EIF4E3: variants seen among roughly 807,000 people sequenced by gnomAD.
EIF4E3 encodes eukaryotic translation initiation factor 4E family member 3, also known as eukaryotic translation initiation factor 4E type 3.
In EIF4E3, 26 loss-of-function variants were observed where a neutral mutation model predicts 31.7. That is an observed-to-expected ratio of 0.82 (90% CI 0.60 to 1.14). The LOEUF is 1.14. Among genes scored for constraint, EIF4E3 ranks in the 50% most tolerant of loss-of-function variants. EIF4E3 has a pLI of 0.00. For missense variants in EIF4E3, 304 were observed against 270.9 expected (o/e 1.12, Z -0.86); for synonymous variants, 128 against 107.7 (o/e 1.19, Z -1.17).
the EIF4E3 span, among the ~76,000 whole-genome samples, chr3:71,669,058 T>C: frequency 1.3e-5 from 2 of 152,114 alleles, no homozygotes; most frequent in African/African-American, 4.8e-5. Flanking sequence ...TGGAATACTA[T>C]GCAGCCATAA....
intron 2 of EIF4E3, among the ~76,000 whole-genome samples, chr3:71,706,674 G>T (rs62246328): frequency 1.3e-5 from 2 of 152,096 alleles, no homozygotes; most frequent in African/African-American, 4.8e-5. Flanking sequence ...AAATAATTTA[G>T]CTGGGTGTGG....
Position 71,686,543 on chromosome 3 carries a change from AGTGTGTGT to A in EIF4E3, c.629-1823_629-1816del, listed in dbSNP as rs61264269. ...TTAACTTTGCAAATATTTCACATTGAGTGTGTGTGTGTGTGTGTGTGTGTGTGTGTGTG... is the reference window on the plus strand; with the variant it reads ...TTAACTTTGCAAATATTTCACATTGAGTGTGTGTGTGTGTGTGTGTGTGTG... On this transcript the variant is annotated intron_variant, in intron 6 of 6. Coordinates refer to ENST00000425534, the MANE Select transcript of EIF4E3 (RefSeq NM_001134651.2). 1.4e-3 allele frequency among the ~76,000 whole-genome samples: 206 copies of A among 143,598 alleles called. No individual in the cohort carries two copies. In the East Asian group the frequency reaches 0.017, roughly 12 times the overall value. 94.2% of individuals were successfully genotyped at this position (143,598 alleles called of 152,430 possible).
chr3:71,725,155 G>C lies in EIF4E3; in HGVS notation c.176+37C>G. ...AAGCGGCGGTGGCGGCAGGACCCGG[G>C]TCGGGGCCGTGCGCGGCGGGCCCCG... is the stretch of plus-strand genomic sequence containing the variant. On this transcript the variant is annotated intron_variant, in intron 1 of 6. Coordinates refer to ENST00000425534, the MANE Select transcript of EIF4E3 (RefSeq NM_001134651.2). The surrounding 1 kb of genome is among the most constrained non-coding windows in gnomAD (Gnocchi z 6.1). 1.9e-6 allele frequency: 2 copies of C among 1,061,070 alleles called. No homozygotes were observed. Among genetic ancestry groups the C allele is most frequent in the Non-Finnish European group, 2.3e-6 (2 of 881,554 alleles). The allele number at this position is 1,061,070 out of a possible 1,614,324, so 65.7% of individuals were successfully genotyped here. A position where few individuals can be genotyped will look rare whatever the true frequency, so the allele number is the denominator to read the frequency against.
intron 1 of EIF4E3, among the ~76,000 whole-genome samples, chr3:71,720,289 A>G (rs2049527356): frequency 6.6e-6 from 1 of 151,886 alleles, no homozygotes; most frequent in Non-Finnish European, 1.5e-5. Context: ...GCAAACATCT[A>G]GGCTCAAGGG....
intron 2 of EIF4E3, among the ~76,000 whole-genome samples, chr3:71,703,454 C>T (rs1250286349): frequency 1.3e-5 from 2 of 152,170 alleles, no homozygotes; most frequent in East Asian, 3.8e-4. Flanking sequence ...AAGGATACAG[C>T]TATTTCACTG....
intron 2 of EIF4E3, among the ~76,000 whole-genome samples, chr3:71,700,284 T>A (rs1042347890): frequency 6.6e-6 from 1 of 152,324 alleles, no homozygotes; most frequent in Non-Finnish European, 1.5e-5. Flanking sequence ...AACATTCCTA[T>A]GCAACATGTC....
At chr3:71,703,997 T>G (rs1454084536) in intron 2 of EIF4E3, among the ~76,000 whole-genome samples, 3 of 152,192 alleles carry the variant, frequency 2.0e-5, no homozygotes, top group Admixed American at 1.3e-4. Context: ...CTGAACCGAA[T>G]AGGCAACTGA....
upstream of EIF4E3, chr3:71,728,847 C>A (rs1232517541): frequency 6.6e-6 from 1 of 152,214 alleles, no homozygotes; most frequent in Admixed American, 6.5e-5. Context: ...ACTTTTCCAA[C>A]ACCTTCATTT....
chr3:71,717,914 A>C (rs1326680927), intron 1 of EIF4E3, among the ~76,000 whole-genome samples: 1 of 152,246 alleles, frequency 6.6e-6, no homozygotes, highest in Non-Finnish European at 1.5e-5. Context: ...TAACAAGTTA[A>C]AGTGGGAAAA....
downstream of EIF4E3, among the ~76,000 whole-genome samples, chr3:71,670,799 C>A (rs2048843837): frequency 1.3e-5 from 2 of 152,198 alleles, no homozygotes; most frequent in African/African-American, 2.4e-5. Context: ...CCTTCGCGTG[C>A]ATTGTCTCAT....
At chr3:71,704,460 G>A (rs2049262299) in intron 2 of EIF4E3, among the ~76,000 whole-genome samples, 1 of 152,226 alleles carries the variant, frequency 6.6e-6, no homozygotes, top group East Asian at 1.9e-4. Context: ...GTGAAGGCAG[G>A]AGGGGTTATT....
intron 1 of EIF4E3, among the ~76,000 whole-genome samples, chr3:71,736,832 G>C (rs549378058): frequency 6.6e-6 from 1 of 152,270 alleles, no homozygotes; most frequent in South Asian, 2.1e-4. Flanking sequence ...GTCAATATAG[G>C]CTCCTTGATT....
At chr3:71,753,799 A>C (rs1262833497), upstream of EIF4E3, among the ~76,000 whole-genome samples, 4 of 148,164 alleles carry the variant, frequency 2.7e-5, no homozygotes, top group East Asian at 7.8e-4. Context: ...CCCTGTCCGC[A>C]GTGAAGCCCG....
chr3:71,683,662 T>A lies in EIF4E3; in HGVS notation c.*1020A>T, dbSNP rs1306538128. On this transcript the variant is annotated 3_prime_UTR_variant, in exon 7 of 7. Transcript: ENST00000425534. ...TGAGATTTAACTTCCTGCACCTACA[T>A]GAAAAAGGGTGGGGACAGCTGCCCA... 1 of 152,098 alleles carries A rather than the reference T, an allele frequency of 6.6e-6. No homozygotes were observed. 9.4% of individuals were successfully genotyped at this position (152,098 alleles called of 1,614,324 possible).
the EIF4E3 span, among the ~76,000 whole-genome samples, chr3:71,660,593 A>G: frequency 6.6e-6 from 1 of 152,206 alleles, no homozygotes; most frequent in East Asian, 1.9e-4. Flanking sequence ...GCTCTGTGGC[A>G]TCAAAACCTC....
chr3:71,704,945 G>T (rs927452848), intron 2 of EIF4E3, among the ~76,000 whole-genome samples: 3 of 152,222 alleles, frequency 2.0e-5, no homozygotes, highest in African/African-American at 7.2e-5. Flanking sequence ...AGCTATAGAT[G>T]TTGATCCTAT....
At chr3:71,735,228 ATTTCC>A (rs1424590331) in intron 1 of EIF4E3, among the ~76,000 whole-genome samples, 16 of 152,352 alleles carry the variant, frequency 1.1e-4, no homozygotes, top group African/African-American at 3.6e-4. Context: ...AAAAACAATA[ATTTCC>A]TTTATTTTAC....
chr3:71,750,821 T>C (rs550550854), intron 1 of EIF4E3, among the ~76,000 whole-genome samples: 47 of 151,286 alleles, frequency 3.1e-4, no homozygotes, highest in African/African-American at 9.9e-4. Flanking sequence ...TGAAGTGCAG[T>C]GACACGATTT....
chr3:71,710,100 A>G (rs914359358), intron 2 of EIF4E3, among the ~76,000 whole-genome samples: 2 of 152,200 alleles, frequency 1.3e-5, no homozygotes, highest in Non-Finnish European at 2.9e-5. Flanking sequence ...GAACAGGAAC[A>G]CAGATAAAGA....
Sources: allele counts gnomAD v4.1 joint callset (sites outside exome capture counted in the v4.1 genomes callset), GRCh38; gene constraint gnomAD v4.1.1; non-coding constraint Gnocchi (gnomAD v3.1); transcripts MANE v1.5; gene names NCBI Gene and HGNC (gene_info 2026-07-23, HGNC 2026-07-21).